Variants in DIAPH2 observed in about 807,000 individuals in gnomAD.
DIAPH2 encodes the protein protein diaphanous homolog 2.
DIAPH2 carries 35 observed loss-of-function variants against 92.7 expected under a neutral mutation model. The observed-to-expected ratio is 0.38, with a 90% CI of 0.29 to 0.50. The LOEUF is 0.50. Ranked by LOEUF, DIAPH2 falls within the 20% of genes least tolerant of loss-of-function variation. The pLI is 0.94. For missense variants in DIAPH2, 701 were observed against 819.5 expected (o/e 0.86, Z 1.77); for synonymous variants, 301 against 280.4 (o/e 1.07, Z -0.73).
At chrX:97,273,080 G>A (rs1028725379) in intron 23 of DIAPH2, among the ~76,000 whole-genome samples, 9 of 111,881 alleles carry the variant, frequency 8.0e-5, no homozygotes, top group African/African-American at 2.6e-4. Flanking sequence ...GCTCAAACCC[G>A]GGAGGTGGAG....
rs759149753 is a variant in DIAPH2 at position 97,047,398 on chromosome X, A to C, written c.2051-25543A>C. Among the ~76,000 whole-genome samples, 6 of 109,236 alleles carry C rather than the reference A, an allele frequency of 5.5e-5. No individual in the cohort carries two copies. In the South Asian group the frequency reaches 2.4e-3, roughly 43 times the overall value. The allele number at this position is 109,236 out of a possible 115,157, so 94.9% of individuals were successfully genotyped here. On this transcript the variant is annotated intron_variant, in intron 17 of 26. Coordinates refer to ENST00000324765, the MANE Select transcript of DIAPH2 (RefSeq NM_006729.5). The stretch of plus-strand genomic sequence containing the variant: ...TGGTGGTTAGCCATGATTATAATGA[A>C]TTTTTGAAGCGTAGTCAGTTAGGCA...
At chrX:96,879,164 AT>A (rs2065197126) in intron 4 of DIAPH2, among the ~76,000 whole-genome samples, 1 of 111,680 alleles carries the variant, frequency 9.0e-6, no homozygotes. Context: ...ACAAAAATAA[AT>A]TTTCATAGAG....
chrX:97,596,160 A>G (rs1054939273), intron 26 of DIAPH2, among the ~76,000 whole-genome samples: 1 of 112,159 alleles, frequency 8.9e-6, no homozygotes. Context: ...TCATGTTTAC[A>G]AACATTAGAA....
At chrX:97,050,931 T>C (rs1236626960) in intron 17 of DIAPH2, among the ~76,000 whole-genome samples, 1 of 112,086 alleles carries the variant, frequency 8.9e-6, no homozygotes, top group African/African-American at 3.2e-5. Context: ...TGTTTCTAGG[T>C]TTACAGAATG....
chrX:97,331,496 T>C (rs1283511861), intron 23 of DIAPH2, among the ~76,000 whole-genome samples: 2 of 110,615 alleles, frequency 1.8e-5, no homozygotes, highest in East Asian at 5.6e-4. Context: ...AGAAAAGGAG[T>C]TGCTGAACAG....
At chrX:96,756,618 T>C (rs1330490483) in intron 3 of DIAPH2, among the ~76,000 whole-genome samples, 1 of 111,645 alleles carries the variant, frequency 9.0e-6, no homozygotes, top group African/African-American at 3.3e-5. Flanking sequence ...TATGGACATA[T>C]GTTTTCATTT....
intron 26 of DIAPH2, among the ~76,000 whole-genome samples, chrX:97,522,882 G>A (rs1035864189): frequency 2.7e-5 from 3 of 112,412 alleles, no homozygotes; most frequent in Non-Finnish European, 3.8e-5. Context: ...GTTAAGCAGC[G>A]GCAGTCCTGA....
intron 23 of DIAPH2, among the ~76,000 whole-genome samples, chrX:97,291,284 G>C (rs1456387557): frequency 2.7e-5 from 3 of 110,878 alleles, no homozygotes; most frequent in African/African-American, 9.8e-5. Flanking sequence ...CAGCTACTTG[G>C]TGGCTGAGGC....
chrX:97,205,542 ACAGATACATG>A (rs1308765881), intron 22 of DIAPH2, among the ~76,000 whole-genome samples: 1 of 112,242 alleles, frequency 8.9e-6, no homozygotes, highest in Non-Finnish European at 1.9e-5. Context: ...AATGTGGCCA[ACAGATACATG>A]AAATAAAGCT....
intron 23 of DIAPH2, among the ~76,000 whole-genome samples, chrX:97,317,354 T>C (rs908576644): frequency 8.9e-6 from 1 of 111,962 alleles, no homozygotes; most frequent in African/African-American, 3.2e-5. Flanking sequence ...TGCAAGGACA[T>C]TTTTTAATGC....
intron 19 of DIAPH2, among the ~76,000 whole-genome samples, chrX:97,078,123 C>T (rs900310832): frequency 7.2e-5 from 8 of 110,713 alleles, no homozygotes; most frequent in South Asian, 3.8e-4. Context: ...AGTAATGAAA[C>T]GAGCGGTTTG....
At chrX:96,751,998 T>C (rs996779465) in intron 3 of DIAPH2, among the ~76,000 whole-genome samples, 2 of 111,846 alleles carry the variant, frequency 1.8e-5, no homozygotes, top group East Asian at 5.6e-4. Context: ...TTTTTTCTCA[T>C]GTATTATAGA....
chrX:97,044,883 T>C (rs1602742970), intron 17 of DIAPH2, among the ~76,000 whole-genome samples: 1 of 111,888 alleles, frequency 8.9e-6, no homozygotes, highest in South Asian at 3.7e-4. Flanking sequence ...AACTTTCATG[T>C]TCATCATTCC....
intron 4 of DIAPH2, among the ~76,000 whole-genome samples, chrX:96,875,793 C>G (rs1352303413): frequency 3.6e-5 from 4 of 110,898 alleles, no homozygotes; most frequent in Admixed American, 9.7e-5. Flanking sequence ...AAAGGTTAGA[C>G]CTAAAACCAT....
chrX:97,005,798 C>G (rs1163588585), intron 17 of DIAPH2, among the ~76,000 whole-genome samples: 1 of 111,388 alleles, frequency 9.0e-6, no homozygotes, highest in African/African-American at 3.3e-5. Context: ...CTCAGCCTCC[C>G]AAAGTGCTGG....
intron 17 of DIAPH2, among the ~76,000 whole-genome samples, chrX:97,069,123 C>T (rs1459302980): frequency 5.4e-5 from 6 of 110,222 alleles, no homozygotes; most frequent in African/African-American, 9.9e-5. Flanking sequence ...CCACCACGCC[C>T]GGCTAATTTT....
intron 26 of DIAPH2, among the ~76,000 whole-genome samples, chrX:97,575,582 C>G (rs762370653): frequency 9.0e-6 from 1 of 111,658 alleles, no homozygotes; most frequent in African/African-American, 3.3e-5. Context: ...TAAGATGGCT[C>G]TAATCATCAA....
intron 16 of DIAPH2, among the ~76,000 whole-genome samples, chrX:96,962,298 T>TATATAC (rs1249298673): frequency 4.0e-5 from 2 of 50,491 alleles, no homozygotes; most frequent in African/African-American, 1.5e-4. Flanking sequence ...TATATATATA[T>TATATAC]ACATATATAT....
intron 17 of DIAPH2, among the ~76,000 whole-genome samples, chrX:97,015,478 C>G (rs755146026): frequency 2.8e-4 from 31 of 111,518 alleles, no homozygotes; most frequent in Non-Finnish European, 5.6e-4. Flanking sequence ...CTTTAAGTGA[C>G]CTGCCTTCTG....
Sources: allele counts gnomAD v4.1 joint callset (sites outside exome capture counted in the v4.1 genomes callset), GRCh38; gene constraint gnomAD v4.1.1; transcripts MANE v1.5; gene names NCBI Gene and HGNC (gene_info 2026-07-23, HGNC 2026-07-21).